Variants in DLG2 observed in about 807,000 individuals in gnomAD.
The protein encoded by DLG2 is disks large homolog 2.
DLG2 carries 45 observed loss-of-function variants against 132.5 expected under a neutral mutation model. That is an observed-to-expected ratio of 0.34 (90% CI 0.27 to 0.44). The LOEUF is 0.44. DLG2 is among the 20% of genes least tolerant of loss of function. The pLI, the probability that DLG2 is intolerant of heterozygous loss-of-function variation, is 1.00. For missense variants in DLG2, 1,045 were observed against 1,196.9 expected, an observed-to-expected ratio of 0.87 and a Z score of 1.87; for synonymous variants, 424 against 419.6, an observed-to-expected ratio of 1.01 and a Z score of -0.13.
chr11:84,734,689 T>G (rs2063596023), intron 6 of DLG2, among the ~76,000 whole-genome samples: 1 of 152,154 alleles, frequency 6.6e-6, no homozygotes, highest in Non-Finnish European at 1.5e-5. Flanking sequence ...ATAGGAGTGG[T>G]GAGAGAGGGC....
At chr11:84,301,994 T>C (rs1323614390) in intron 7 of DLG2, among the ~76,000 whole-genome samples, 2 of 152,138 alleles carry the variant, frequency 1.3e-5, no homozygotes, top group African/African-American at 4.8e-5. Flanking sequence ...GTGACACGCA[T>C]ACACCAGGGA....
chr11:84,326,045 T>C (rs2098429648), intron 7 of DLG2, among the ~76,000 whole-genome samples: 1 of 152,068 alleles, frequency 6.6e-6, no homozygotes, highest in African/African-American at 2.4e-5. Flanking sequence ...TTCCCAGTAT[T>C]CTTATAGTCC....
chr11:84,916,246 G>A (rs2154080554), intron 6 of DLG2, among the ~76,000 whole-genome samples: 1 of 149,148 alleles, frequency 6.7e-6, no homozygotes, highest in East Asian at 2.0e-4. Flanking sequence ...CTACTTGGGA[G>A]GCTGAGGCAG....
chr11:83,842,466 C>A (rs2057774320), intron 16 of DLG2, among the ~76,000 whole-genome samples: 1 of 145,418 alleles, frequency 6.9e-6, no homozygotes, highest in Non-Finnish European at 1.5e-5. Flanking sequence ...TGGTAGCGTG[C>A]ACCTGTAGTC....
chr11:84,685,761 A>T (rs1217913215), intron 6 of DLG2, among the ~76,000 whole-genome samples: 10 of 151,770 alleles, frequency 6.6e-5, no homozygotes. Context: ...GCTGGAGTGC[A>T]GTGGCGCGAT....
chr11:84,892,993 G>A (rs949302943), intron 6 of DLG2, among the ~76,000 whole-genome samples: 13 of 152,072 alleles, frequency 8.5e-5, no homozygotes, highest in African/African-American at 2.4e-4. Context: ...ACAGACTAGG[G>A]TTCAAATGCT....
At chr11:84,125,739 CAT>C (rs769599210) in intron 9 of DLG2, among the ~76,000 whole-genome samples, 20 of 152,292 alleles carry the variant, frequency 1.3e-4, no homozygotes, top group Non-Finnish European at 2.5e-4. Flanking sequence ...ATAGAGGACA[CAT>C]AAGATTTCTT....
chr11:83,825,150 C>CACATAT (rs1555012355), intron 17 of DLG2, among the ~76,000 whole-genome samples: 8 of 80,292 alleles, frequency 1.0e-4, no homozygotes, highest in African/African-American at 3.3e-4. Context: ...CACACACACA[C>CACATAT]ACATATATAT....
At chr11:83,572,834 C>T (rs946278818) in intron 19 of DLG2, among the ~76,000 whole-genome samples, 1 of 152,108 alleles carries the variant, frequency 6.6e-6, no homozygotes, top group Non-Finnish European at 1.5e-5. Context: ...TAATTCGTTA[C>T]AGAGAATAAG....
chr11:84,181,998 T>C (rs182337889), intron 8 of DLG2, among the ~76,000 whole-genome samples: 220 of 152,258 alleles, frequency 1.4e-3, no homozygotes, highest in African/African-American at 5.0e-3. Context: ...AAGGATATAT[T>C]TGAACTCCAT....
At chr11:84,086,634 C>A (rs1018338743) in intron 10 of DLG2, among the ~76,000 whole-genome samples, 5 of 151,904 alleles carry the variant, frequency 3.3e-5, no homozygotes, top group Admixed American at 3.3e-4. Flanking sequence ...AGGCTACAGG[C>A]ATGCACCACC....
chr11:84,939,025 T>G (rs2049071994), intron 6 of DLG2, among the ~76,000 whole-genome samples: 1 of 152,070 alleles, frequency 6.6e-6, no homozygotes. Flanking sequence ...GGAGATAAAT[T>G]AGAAAGATAA....
chr11:84,040,483 T>C (rs2096038954), intron 11 of DLG2, among the ~76,000 whole-genome samples: 1 of 151,376 alleles, frequency 6.6e-6, no homozygotes, highest in African/African-American at 2.4e-5. Context: ...AGGGAATCCT[T>C]TCCCCATTGC....
intron 3 of DLG2, among the ~76,000 whole-genome samples, chr11:85,356,776 GTAGATAGATAGA>G (rs58735940): frequency 0.079 from 11,646 of 147,314 alleles, 498 homozygotes; most frequent in African/African-American, 0.12. Flanking sequence ...CAGTAGGTAA[GTAGATAGATAGA>G]TAGATAGATA....
intron 3 of DLG2, among the ~76,000 whole-genome samples, chr11:85,426,424 C>T (rs926303304): frequency 6.6e-6 from 1 of 152,150 alleles, no homozygotes; most frequent in Admixed American, 6.5e-5. Context: ...TCCTCTGAGA[C>T]AAAACTTCCA....
chr11:83,997,399 T>C (rs2094099523), intron 11 of DLG2, among the ~76,000 whole-genome samples: 1 of 151,952 alleles, frequency 6.6e-6, no homozygotes, highest in South Asian at 2.1e-4. Flanking sequence ...TGATAGAAAA[T>C]GTAGTCAGCC....
intron 18 of DLG2, among the ~76,000 whole-genome samples, chr11:83,782,309 G>C (rs913157934): frequency 4.6e-5 from 7 of 152,150 alleles, no homozygotes; most frequent in African/African-American, 1.4e-4. Context: ...ATTAAGAGCA[G>C]ACCCATTCAA....
chr11:84,345,908 A>T (rs2098537391), intron 7 of DLG2, among the ~76,000 whole-genome samples: 1 of 152,238 alleles, frequency 6.6e-6, no homozygotes, highest in African/African-American at 2.4e-5. Flanking sequence ...AAAGCCAAAA[A>T]TATTTACAAT....
At chr11:85,399,352 T>A (rs1236885675) in intron 3 of DLG2, among the ~76,000 whole-genome samples, 4 of 152,186 alleles carry the variant, frequency 2.6e-5, no homozygotes, top group Non-Finnish European at 5.9e-5. Flanking sequence ...ATGGCCATAC[T>A]GCCCAAGGTA....
Sources: allele counts gnomAD v4.1 joint callset (sites outside exome capture counted in the v4.1 genomes callset), GRCh38; gene constraint gnomAD v4.1.1; transcripts MANE v1.5; gene names NCBI Gene and HGNC (gene_info 2026-07-23, HGNC 2026-07-21).